Variants in TSEN2 observed in about 807,000 individuals in gnomAD.
TSEN2 encodes the protein tRNA splicing endonuclease subunit 2.
In TSEN2, 54 loss-of-function variants were observed where a neutral mutation model predicts 59.2. The observed-to-expected ratio is 0.91, with a 90% CI of 0.73 to 1.14. The LOEUF (loss-of-function observed/expected upper bound fraction) is 1.14. TSEN2 is among the 50% of genes most tolerant of loss of function. TSEN2 has a pLI of 0.00. For synonymous variants in TSEN2, 195 were observed against 198.2 expected (o/e 0.98, Z 0.14); for missense variants, 636 against 576.2 (o/e 1.10, Z -1.06).
chr3:12,492,842 C>T (rs2053357454), intron 3 of TSEN2, among the ~76,000 whole-genome samples: 1 of 152,180 alleles, frequency 6.6e-6, no homozygotes, highest in Non-Finnish European at 1.5e-5. Context: ...TCTTGCATTG[C>T]TGGTGGGGTG....
chr3:12,484,797 TGCA>T lies in TSEN2; in HGVS notation c.-98_-96del, dbSNP rs540848445. ...GGGCTGGTGGGGCTGGGGCGCAAGG[TGCA>T]GCTGACAATGCCCGAGAGGAGCCGC... On this transcript the variant is annotated 5_prime_UTR_variant, in exon 1 of 12. Coordinates refer to ENST00000284995, the MANE Select transcript of TSEN2 (RefSeq NM_025265.4). 1,219 of 152,376 alleles carry T rather than the reference TGCA, an allele frequency of 8.0e-3. 5 individuals are homozygous for T. The highest frequency in any genetic ancestry group is 0.013 in the Non-Finnish European group (906 of 68,168). 9.4% of individuals were successfully genotyped at this position (152,376 alleles called of 1,614,324 possible).
At chr3:12,515,510 G>A (rs550931614) in intron 6 of TSEN2, among the ~76,000 whole-genome samples, 17 of 152,152 alleles carry the variant, frequency 1.1e-4, no homozygotes, top group Non-Finnish European at 1.9e-4. Flanking sequence ...TTTTACCACT[G>A]GCTACCATTT....
chr3:12,503,501 T>C lies in TSEN2; in HGVS notation c.548T>C (p.Val183Ala). The C allele has an allele frequency of 6.2e-7, 1 of 1,614,134 alleles. No individual in the cohort carries two copies. Among genetic ancestry groups the C allele is most frequent in the Non-Finnish European group, 8.5e-7 (1 of 1,180,002 alleles). ...GGGGACTCTGGAAAGTCAGGTGGTG[T>C]GGGTGATCCCCGTGAGCCATTAGGC... ...VNGDSGKSGG[V>A]GDPREPLGCL... Residue 183 changes from valine (V) to alanine (A), a missense_variant, in exon 5 of 12, where the codon GTG becomes GCG. By Grantham distance (64) the Val-to-Ala change is moderately conservative. Coordinates refer to ENST00000284995, the MANE Select transcript of TSEN2 (RefSeq NM_025265.4).
chr3:12,512,293 GT>G (rs2055556523), intron 6 of TSEN2, among the ~76,000 whole-genome samples: 1 of 152,214 alleles, frequency 6.6e-6, no homozygotes, highest in African/African-American at 2.4e-5. Context: ...TCAATGCAAT[GT>G]TTTTTATGGG....
intron 8 of TSEN2, among the ~76,000 whole-genome samples, chr3:12,520,002 CT>C (rs57040794): frequency 1.3e-3 from 194 of 145,894 alleles, no homozygotes; most frequent in Admixed American, 1.4e-3. Flanking sequence ...CGCTTACTGT[CT>C]TTTTTTTTTT....
intron 6 of TSEN2, among the ~76,000 whole-genome samples, chr3:12,505,783 C>CAAAAA (rs34334319): frequency 1.2e-5 from 1 of 84,672 alleles, no homozygotes; most frequent in Non-Finnish European, 2.3e-5. Context: ...AACTCTGTCT[C>CAAAAA]AAAAAAAAAA....
intron 4 of TSEN2, among the ~76,000 whole-genome samples, chr3:12,497,309 A>G (rs577164110): frequency 2.3e-4 from 35 of 152,324 alleles, no homozygotes; most frequent in African/African-American, 7.7e-4. Flanking sequence ...CAGCTCTTCC[A>G]TGAAACCTTA....
intron 6 of TSEN2, among the ~76,000 whole-genome samples, chr3:12,506,094 T>C (rs756821464): frequency 2.0e-5 from 3 of 152,216 alleles, no homozygotes; most frequent in Non-Finnish European, 4.4e-5. Context: ...TAATTTTCAC[T>C]AGCTTTTTCA....
chr3:12,506,684 C>G, intron 6 of TSEN2: 1 of 985,320 alleles, frequency 1.0e-6, no homozygotes, highest in Non-Finnish European at 1.2e-6. Context: ...TGCTCAGACC[C>G]TCTTTTCTTG....
intron 6 of TSEN2, among the ~76,000 whole-genome samples, chr3:12,508,598 C>T (rs1575343727): frequency 2.0e-5 from 3 of 152,268 alleles, no homozygotes; most frequent in Middle Eastern, 3.4e-3. Context: ...GTCTGCTCAG[C>T]GCTGACATGG....
intron 6 of TSEN2, among the ~76,000 whole-genome samples, chr3:12,506,055 G>A (rs2054798463): frequency 6.6e-6 from 1 of 152,264 alleles, no homozygotes; most frequent in East Asian, 1.9e-4. Flanking sequence ...GAAAAAAGTG[G>A]ATTTCGGATT....
intron 6 of TSEN2, 152 bp downstream of exon 6, chr3:12,505,383 G>A: frequency 1.5e-6 from 1 of 659,574 alleles, no homozygotes; most frequent in Non-Finnish European, 2.8e-6. Context: ...CTCCCAAGTA[G>A]GCCTGCCTTT....
At chr3:12,521,701 T>TA (rs2056647813) in intron 8 of TSEN2, among the ~76,000 whole-genome samples, 1 of 150,266 alleles carries the variant, frequency 6.7e-6, no homozygotes, top group African/African-American at 2.5e-5. Flanking sequence ...CACAAGAGAG[T>TA]AAGAGTCTCT....
At chr3:12,502,575 A>T (rs1209464084) in intron 4 of TSEN2, among the ~76,000 whole-genome samples, 3 of 152,062 alleles carry the variant, frequency 2.0e-5, no homozygotes, top group Admixed American at 6.5e-5. Context: ...AATCTTGATA[A>T]AGGATGGCCA....
chr3:12,484,371 C>G (rs558298246), upstream of TSEN2: 1 of 152,408 alleles, frequency 6.6e-6, no homozygotes, highest in Admixed American at 6.5e-5. Flanking sequence ...GCCAGCCGGC[C>G]GTGCGCAGGC....
intron 4 of TSEN2, 54 bp from the exon 5 acceptor site, chr3:12,503,207 GT>G: frequency 6.2e-7 from 1 of 1,610,150 alleles, no homozygotes; most frequent in South Asian, 1.1e-5. Flanking sequence ...GTGCTTTGTT[GT>G]TTTTTCAATT....
upstream of TSEN2, among the ~76,000 whole-genome samples, chr3:12,481,897 ATGTGTG>A (rs151178256): frequency 2.0e-5 from 3 of 150,014 alleles, no homozygotes; most frequent in East Asian, 2.0e-4. Context: ...CAGTTGATAT[ATGTGTG>A]TGTGTGTGTG....
At chr3:12,509,693 A>C (rs2055228194) in intron 6 of TSEN2, among the ~76,000 whole-genome samples, 1 of 152,186 alleles carries the variant, frequency 6.6e-6, no homozygotes, top group Non-Finnish European at 1.5e-5. Context: ...CCTGCATTCC[A>C]GGTCTAATCC....
rs762650785 is a variant in TSEN2, at chr3:12,529,778, G to A, written c.1153G>A (p.Glu385Lys). ...ATTTTCCAGTTATTCTGTCATTATCGAGCTAGTTGATGACCATTTTGAAGG... is the reference window on the plus strand; with the variant it reads ...ATTTTCCAGTTATTCTGTCATTATCAAGCTAGTTGATGACCATTTTGAAGG... ...FYHASYSVII[E>K]LVDDHFEGSL... The change falls in exon 10 of 12, where the codon GAG (glutamate) becomes AAG (lysine). Residue 385 changes from glutamate to lysine, a missense_variant. Coordinates refer to ENST00000284995, the MANE Select transcript of TSEN2 (RefSeq NM_025265.4). The A allele has an allele frequency of 1.9e-6, 3 of 1,613,646 alleles. No homozygotes were observed. The highest frequency in any genetic ancestry group is 1.7e-6 in the Non-Finnish European group (2 of 1,179,886).
Sources: allele counts gnomAD v4.1 joint callset (sites outside exome capture counted in the v4.1 genomes callset), GRCh38; gene constraint gnomAD v4.1.1; transcripts MANE v1.5; gene names NCBI Gene and HGNC (gene_info 2026-07-23, HGNC 2026-07-21).